The following LARGE1 variants were observed in gnomAD, a reference collection of about 807,000 sequenced individuals.
LARGE1 encodes the protein xylosyl- and glucuronyltransferase LARGE1.
In LARGE1, 43 loss-of-function variants were observed where a neutral mutation model predicts 87.6. The ratio of observed to expected loss-of-function variants is 0.49; its 90% CI spans 0.38 to 0.63. The LOEUF (loss-of-function observed/expected upper bound fraction) is 0.63. Ranked by LOEUF, LARGE1 falls within the 30% of genes least tolerant of loss-of-function variation. LARGE1 has a pLI of 0.00. For missense variants in LARGE1, 802 were observed against 1,000.2 expected (o/e 0.80, Z 2.67); for synonymous variants, 434 against 394.6 (o/e 1.10, Z -1.18).
At chr22:33,844,654 T>C (rs1408471087) in intron 1 of LARGE1, among the ~76,000 whole-genome samples, 3 of 151,872 alleles carry the variant, frequency 2.0e-5, no homozygotes, top group Non-Finnish European at 4.4e-5. Flanking sequence ...CGTGCGAACT[T>C]GGGTATATCA....
the LARGE1 span, among the ~76,000 whole-genome samples, chr22:33,108,308 C>T: frequency 6.6e-6 from 1 of 152,192 alleles, no homozygotes; most frequent in Non-Finnish European, 1.5e-5. Flanking sequence ...AAACATAGTG[C>T]TCCATCCCAT....
chr22:33,731,457 G>A (rs981285900), intron 2 of LARGE1, among the ~76,000 whole-genome samples: 1 of 152,184 alleles, frequency 6.6e-6, no homozygotes, highest in Non-Finnish European at 1.5e-5. Flanking sequence ...ATGGCTAGTT[G>A]TATTCGTCAG....
intron 6 of LARGE1, among the ~76,000 whole-genome samples, chr22:33,508,467 C>G (rs1414800271): frequency 2.6e-5 from 4 of 152,200 alleles, no homozygotes; most frequent in Non-Finnish European, 5.9e-5. Flanking sequence ...CATTTGGTAA[C>G]TCAACACTAA....
intron 6 of LARGE1, among the ~76,000 whole-genome samples, chr22:33,537,411 C>G (rs182222783): frequency 6.6e-6 from 1 of 152,126 alleles, no homozygotes; most frequent in East Asian, 1.9e-4. Flanking sequence ...ATCATTATAT[C>G]GCTTCTTCTC....
Position 33,708,270 on chromosome 22 carries a change from A to C in LARGE1, c.106+53101T>G, listed in dbSNP as rs558806388. 7.2e-5 allele frequency among the ~76,000 whole-genome samples: 11 copies of C among 152,102 alleles called. No individual in the cohort carries two copies. In the East Asian group the frequency reaches 2.1e-3, roughly 30 times the overall value. Reference sequence around the variant, plus strand: ...TGGAGGGAGGGAGGGAGGGAAAGAGAAAAGAAAAATCTAAGGGATATGACA... The same window carrying C: ...TGGAGGGAGGGAGGGAGGGAAAGAGCAAAGAAAAATCTAAGGGATATGACA... On this transcript the variant is annotated intron_variant, in intron 2 of 14. Transcript: ENST00000397394.
intron 1 of LARGE1, among the ~76,000 whole-genome samples, chr22:33,796,337 A>G (rs1441394844): frequency 1.3e-5 from 2 of 152,208 alleles, no homozygotes; most frequent in African/African-American, 4.8e-5. Flanking sequence ...GGGATTCAGA[A>G]TATCAGAAAA....
At chr22:33,256,544 C>T (rs1274487878) in intron 11 of LARGE1, among the ~76,000 whole-genome samples, 1 of 152,148 alleles carries the variant, frequency 6.6e-6, no homozygotes, top group Admixed American at 6.5e-5. Context: ...TGCTTGGGAA[C>T]ATAATAATGT....
chr22:33,583,725 C>T (rs894150818), intron 5 of LARGE1, among the ~76,000 whole-genome samples: 1 of 152,174 alleles, frequency 6.6e-6, no homozygotes, highest in Non-Finnish European at 1.5e-5. Flanking sequence ...GGGTCCCCCC[C>T]ATCCAGTATG....
chr22:33,091,337 G>T, the LARGE1 span, among the ~76,000 whole-genome samples: 1 of 152,130 alleles, frequency 6.6e-6, no homozygotes, highest in East Asian at 1.9e-4. Flanking sequence ...GAGGTGGGTG[G>T]ATTGCTTGAG....
At chr22:33,540,294 A>C (rs1300007918) in intron 6 of LARGE1, among the ~76,000 whole-genome samples, 2 of 152,170 alleles carry the variant, frequency 1.3e-5, no homozygotes, top group African/African-American at 4.8e-5. Context: ...GGGCCTTGCC[A>C]AGTCCCCCCC....
chr22:33,655,154 C>A (rs1292113981), intron 2 of LARGE1, among the ~76,000 whole-genome samples: 1 of 151,998 alleles, frequency 6.6e-6, no homozygotes, highest in Non-Finnish European at 1.5e-5. Context: ...TGTGATCAAA[C>A]ATCATTTTGG....
intron 11 of LARGE1, among the ~76,000 whole-genome samples, chr22:33,189,463 T>TCA (rs145313652): frequency 2.6e-4 from 39 of 151,710 alleles, no homozygotes; most frequent in African/African-American, 4.1e-4. Context: ...GTTTCTTGAT[T>TCA]CACACACACA....
chr22:33,177,702 T>A (rs567534151), intron 11 of LARGE1, among the ~76,000 whole-genome samples: 1 of 152,274 alleles, frequency 6.6e-6, no homozygotes, highest in East Asian at 1.9e-4. Flanking sequence ...TGGGTGGATG[T>A]GGGATGGTGT....
chr22:33,368,063 G>A (rs1287928803), intron 9 of LARGE1, among the ~76,000 whole-genome samples: 1 of 152,092 alleles, frequency 6.6e-6, no homozygotes, highest in Non-Finnish European at 1.5e-5. Context: ...ATGTATTGAT[G>A]TCTAGTACTT....
intron 6 of LARGE1, among the ~76,000 whole-genome samples, chr22:33,534,175 C>A (rs1407119036): frequency 6.6e-6 from 1 of 151,946 alleles, no homozygotes; most frequent in Admixed American, 6.6e-5. Context: ...GAGGCCGAGG[C>A]AGGCGGATCA....
chr22:33,520,778 G>T (rs2071543332), intron 6 of LARGE1, among the ~76,000 whole-genome samples: 1 of 152,160 alleles, frequency 6.6e-6, no homozygotes, highest in Non-Finnish European at 1.5e-5. Flanking sequence ...CTTCTGTGTG[G>T]GCCTCTCTTC....
chr22:33,921,215 C>T (rs1003915387), upstream of LARGE1, among the ~76,000 whole-genome samples: 4 of 152,126 alleles, frequency 2.6e-5, no homozygotes, highest in African/African-American at 9.6e-5. This position sits in a 1 kb window ranked among gnomAD's most constrained non-coding sequence, Gnocchi z 4.1. Context: ...CCCGGTGCTT[C>T]TTCAGCTCGC....
At chr22:33,701,171 A>C (rs1466831490) in intron 2 of LARGE1, among the ~76,000 whole-genome samples, 2 of 152,242 alleles carry the variant, frequency 1.3e-5, no homozygotes, top group East Asian at 3.9e-4. Flanking sequence ...CTACAGGGAG[A>C]GTACCTGAAG....
At chr22:33,351,401 T>G (rs746073170) in intron 9 of LARGE1, among the ~76,000 whole-genome samples, 1 of 152,238 alleles carries the variant, frequency 6.6e-6, no homozygotes, top group Non-Finnish European at 1.5e-5. Flanking sequence ...CAAAGTCTTC[T>G]GTCAACCAAC....
Sources: gnomAD v4.1 joint callset for allele counts (sites outside exome capture counted in the v4.1 genomes callset) on GRCh38, gnomAD v4.1.1 for gene constraint, Gnocchi (gnomAD v3.1) non-coding constraint, MANE v1.5 for transcripts, NCBI Gene and HGNC (gene_info 2026-07-23, HGNC 2026-07-21) for gene names.